GRID1: variants seen among roughly 807,000 people sequenced by gnomAD.
GRID1 encodes glutamate receptor ionotropic, delta-1.
Under a neutral mutation model 98.0 loss-of-function variants are expected in GRID1, and 28 were observed. The observed-to-expected ratio is 0.29, with a 90% CI of 0.21 to 0.39. The LOEUF is 0.39. GRID1 is among the 10% of genes least tolerant of loss of function. GRID1 has a pLI of 1.00. For missense variants in GRID1, 1,111 were observed against 1,340.5 expected, an observed-to-expected ratio of 0.83 and a Z score of 2.67; for synonymous variants, 553 against 538.5, an observed-to-expected ratio of 1.03 and a Z score of -0.37.
chr10:85,700,664 T>G (rs117000007), intron 12 of GRID1, among the ~76,000 whole-genome samples: 2 of 152,248 alleles, frequency 1.3e-5, no homozygotes, highest in Non-Finnish European at 2.9e-5. Flanking sequence ...GAAATGAAAG[T>G]AATTACAGCA....
chr10:86,297,512 C>G (rs924575341), intron 2 of GRID1, among the ~76,000 whole-genome samples: 2 of 152,064 alleles, frequency 1.3e-5, no homozygotes, highest in African/African-American at 4.8e-5. Flanking sequence ...TGAAAGAAAC[C>G]TAGCAGGAAA....
intron 12 of GRID1, among the ~76,000 whole-genome samples, chr10:85,653,444 C>T (rs1050385726): frequency 6.6e-6 from 1 of 152,204 alleles, no homozygotes; most frequent in Non-Finnish European, 1.5e-5. Context: ...CCTGCTGGGG[C>T]TGTCCTGCCA....
chr10:86,126,006 T>G (rs1023227451), intron 4 of GRID1, among the ~76,000 whole-genome samples: 3 of 152,186 alleles, frequency 2.0e-5, no homozygotes, highest in Non-Finnish European at 4.4e-5. Flanking sequence ...ACACAGATTT[T>G]TGACTGCATG....
At chr10:85,801,077 C>T (rs1842572388) in intron 8 of GRID1, among the ~76,000 whole-genome samples, 1 of 151,860 alleles carries the variant, frequency 6.6e-6, no homozygotes, top group Non-Finnish European at 1.5e-5. Flanking sequence ...TAAAAAGTGA[C>T]ATAATTAACA....
At chr10:85,826,801 G>A (rs1282028736) in intron 8 of GRID1, among the ~76,000 whole-genome samples, 1 of 152,154 alleles carries the variant, frequency 6.6e-6, no homozygotes, top group Non-Finnish European at 1.5e-5. Flanking sequence ...AGGGGCCAGA[G>A]AACAAAGCTG....
chr10:85,759,905 A>C (rs1161936433), intron 8 of GRID1, among the ~76,000 whole-genome samples: 1 of 152,210 alleles, frequency 6.6e-6, no homozygotes, highest in African/African-American at 2.4e-5. Flanking sequence ...TCCACCTCTG[A>C]GGGCATCCTG....
chr10:85,708,898 A>T (rs1231392606), intron 12 of GRID1: 1 of 164,496 alleles, frequency 6.1e-6, no homozygotes, highest in East Asian at 1.9e-4. Flanking sequence ...GAAGCATGGT[A>T]TGCCCATGAA....
At chr10:85,944,802 G>A (rs968837362) in intron 4 of GRID1, among the ~76,000 whole-genome samples, 1 of 149,148 alleles carries the variant, frequency 6.7e-6, no homozygotes, top group Non-Finnish European at 1.5e-5. Context: ...TTGGAAAGAT[G>A]AATGTGATTT....
intron 4 of GRID1, among the ~76,000 whole-genome samples, chr10:85,949,455 T>C (rs905278774): frequency 6.6e-6 from 1 of 152,242 alleles, no homozygotes; most frequent in Non-Finnish European, 1.5e-5. Flanking sequence ...TCTTTGTGTA[T>C]GTAGACCTAA....
chr10:86,180,678 A>G (rs1034471045), intron 3 of GRID1, among the ~76,000 whole-genome samples: 1 of 152,050 alleles, frequency 6.6e-6, no homozygotes, highest in Non-Finnish European at 1.5e-5. Flanking sequence ...CTCCCTCTCC[A>G]TGTGAGCTGC....
At chr10:85,865,912 C>CATATATATATATATAT (rs375258556) in intron 6 of GRID1, among the ~76,000 whole-genome samples, 38 of 83,102 alleles carry the variant, frequency 4.6e-4, no homozygotes, top group South Asian at 1.3e-3. Context: ...TACATATATA[C>CATATATATATATATAT]ATATATATAT....
intron 5 of GRID1, among the ~76,000 whole-genome samples, chr10:85,894,593 C>T (rs1011478776): frequency 2.6e-5 from 4 of 152,130 alleles, no homozygotes; most frequent in Non-Finnish European, 5.9e-5. Flanking sequence ...AACTCCAAGT[C>T]GTACTTATCA....
chr10:85,623,189 T>C (rs192354805), intron 13 of GRID1, among the ~76,000 whole-genome samples: 1 of 152,290 alleles, frequency 6.6e-6, no homozygotes, highest in East Asian at 1.9e-4. Flanking sequence ...GTCCCCAAAT[T>C]CATTTATTTC....
rs114856085 is a variant in GRID1, at chr10:85,752,649, C to T, written c.1234-23035G>A. ...GATATTTTAAATATTCTATTGCTAACTTGGAATTTTTAACCAATTTCCTGT... is the reference window on the plus strand; with the variant it reads ...GATATTTTAAATATTCTATTGCTAATTTGGAATTTTTAACCAATTTCCTGT... On this transcript the variant is annotated intron_variant, in intron 8 of 15. Transcript: ENST00000327946. Among the ~76,000 whole-genome samples the T allele has an allele frequency of 5.2e-3, 789 of 152,208 alleles. 9 individuals carry two copies. Among genetic ancestry groups the T allele is most frequent in the African/African-American group, 0.017 (687 of 41,540 alleles).
rs571844656 is a variant in GRID1, at chr10:86,356,381, G to GT, written c.235+7559dup. Among the ~76,000 whole-genome samples the GT allele has an allele frequency of 2.5e-3, 379 of 152,378 alleles. 9 individuals carry two copies. The highest frequency in any genetic ancestry group is 0.017 in the Middle Eastern group (5 of 294). ...CCATGAATGGTAAAGAGGCAATTCT[G>GT]TTGCTCACCAGTTGTTTCCAGTTCT... On this transcript the variant is annotated intron_variant, in intron 2 of 15. Transcript: ENST00000327946.
intron 2 of GRID1, among the ~76,000 whole-genome samples, chr10:86,289,681 G>GCCT (rs1159809426): frequency 6.6e-6 from 1 of 152,062 alleles, no homozygotes; most frequent in Non-Finnish European, 1.5e-5. Context: ...CTTTTGCAGA[G>GCCT]CCTCCTCCCT....
intron 4 of GRID1, among the ~76,000 whole-genome samples, chr10:86,045,766 TG>T (rs748496285): frequency 3.3e-5 from 5 of 152,170 alleles, no homozygotes; most frequent in Non-Finnish European, 7.4e-5. Flanking sequence ...TCATAATGAC[TG>T]GTCATTGGTG....
chr10:86,362,708 C>T (rs1306753551), intron 2 of GRID1, among the ~76,000 whole-genome samples: 1 of 152,208 alleles, frequency 6.6e-6, no homozygotes, highest in Non-Finnish European at 1.5e-5. Flanking sequence ...TCCCCAACAC[C>T]AGCTCTGACC....
intron 3 of GRID1, among the ~76,000 whole-genome samples, chr10:86,204,173 C>T (rs554536807): frequency 1.9e-4 from 29 of 152,310 alleles, no homozygotes; most frequent in Middle Eastern, 3.4e-3. Context: ...CCCTTCCCTG[C>T]TACCTCATAG....
Sources: gnomAD v4.1 joint callset for allele counts (sites outside exome capture counted in the v4.1 genomes callset) on GRCh38, gnomAD v4.1.1 for gene constraint, MANE v1.5 for transcripts, NCBI Gene and HGNC (gene_info 2026-07-23, HGNC 2026-07-21) for gene names.